The following SAMD12 variants were observed in gnomAD, a reference collection of about 807,000 sequenced individuals.
SAMD12 encodes the protein sterile alpha motif domain containing 12, also known as sterile alpha motif domain-containing protein 12.
Under a neutral mutation model 15.0 loss-of-function variants are expected in SAMD12, and 9 were observed. That is an observed-to-expected ratio of 0.60 (90% confidence interval 0.36 to 1.05). SAMD12 has a LOEUF of 1.05. Ranked by LOEUF, SAMD12 falls within the 50% of genes least tolerant of loss-of-function variation. The pLI is 0.01. For missense variants in SAMD12, 230 were observed against 234.2 expected (o/e 0.98, Z 0.12); for synonymous variants, 86 against 90.1 (o/e 0.96, Z 0.25).
chr8:118,347,165 G>A (rs1226991922), intron 4 of SAMD12, among the ~76,000 whole-genome samples: 1 of 151,974 alleles, frequency 6.6e-6, no homozygotes, highest in Non-Finnish European at 1.5e-5. Context: ...CTGGGCTCAA[G>A]TGATCTTCCT....
intron 3 of SAMD12, among the ~76,000 whole-genome samples, chr8:118,415,350 CA>C (rs1348915778): frequency 6.6e-6 from 1 of 152,098 alleles, no homozygotes; most frequent in Non-Finnish European, 1.5e-5. Flanking sequence ...TAATGAACCA[CA>C]CCACCATGCG....
intron 4 of SAMD12, among the ~76,000 whole-genome samples, chr8:118,247,572 A>T (rs1812725658): frequency 6.6e-6 from 1 of 151,828 alleles, no homozygotes. Flanking sequence ...AAAAAACTTT[A>T]AAAATTTTAT....
chr8:118,321,306 T>G (rs879357457), intron 4 of SAMD12, among the ~76,000 whole-genome samples: 16,086 of 79,886 alleles, frequency 0.2, 1,230 homozygotes, highest in African/African-American at 0.33. Flanking sequence ...TTTTTTTTTT[T>G]TTTGGTTTTT....
At chr8:118,558,946 G>C (rs540342312) in intron 2 of SAMD12, among the ~76,000 whole-genome samples, 1 of 152,272 alleles carries the variant, frequency 6.6e-6, no homozygotes, top group Non-Finnish European at 1.5e-5. Flanking sequence ...AACCAGACTT[G>C]TCAGGAATAG....
intron 4 of SAMD12, among the ~76,000 whole-genome samples, chr8:118,249,938 A>C (rs976462914): frequency 4.6e-5 from 7 of 152,150 alleles, no homozygotes; most frequent in African/African-American, 1.7e-4. Flanking sequence ...GACCATCAGC[A>C]GGCAGAAGCC....
At chr8:118,321,140 AATAAATATATATATATAT>A (rs1816239938) in intron 4 of SAMD12, among the ~76,000 whole-genome samples, 1 of 78,734 alleles carries the variant, frequency 1.3e-5, no homozygotes, top group African/African-American at 5.9e-5. Context: ...TATCATAGAT[AATAAATATATATATATAT>A]ATATATATAT....
At chr8:118,403,344 CTGTG>C (rs1318591427) in intron 3 of SAMD12, among the ~76,000 whole-genome samples, 1 of 151,394 alleles carries the variant, frequency 6.6e-6, no homozygotes, top group Admixed American at 6.6e-5. Flanking sequence ...TATGTACAGT[CTGTG>C]TGTGTGTGGT....
chr8:118,444,215 C>T (rs533938216), intron 2 of SAMD12, among the ~76,000 whole-genome samples: 68 of 152,068 alleles, frequency 4.5e-4, no homozygotes, highest in African/African-American at 1.4e-3. Flanking sequence ...CAATGGCAAA[C>T]ATTAAAAAAA....
the SAMD12 span, among the ~76,000 whole-genome samples, chr8:118,165,448 G>T: frequency 6.6e-6 from 1 of 151,666 alleles, no homozygotes; most frequent in East Asian, 1.9e-4. Flanking sequence ...TAGAGACGGG[G>T]TTTCACCATG....
intron 4 of SAMD12, among the ~76,000 whole-genome samples, chr8:118,198,915 A>C (rs1819637112): frequency 6.6e-6 from 1 of 152,282 alleles, no homozygotes; most frequent in Middle Eastern, 3.4e-3. Flanking sequence ...AAGAAGCTAT[A>C]TGCACAAATA....
chr8:118,158,710 C>T, the SAMD12 span, among the ~76,000 whole-genome samples: 4 of 152,178 alleles, frequency 2.6e-5, no homozygotes, highest in African/African-American at 4.8e-5. Context: ...CTGCCCATGG[C>T]TGCCCATGGA....
intron 4 of SAMD12, among the ~76,000 whole-genome samples, chr8:118,288,055 C>T (rs549343799): frequency 1.3e-5 from 2 of 152,040 alleles, no homozygotes; most frequent in Non-Finnish European, 2.9e-5. Context: ...GTCCTGAAGA[C>T]CAAGCGTGGG....
chr8:118,305,271 C>A (rs1815281543), intron 4 of SAMD12, among the ~76,000 whole-genome samples: 1 of 150,702 alleles, frequency 6.6e-6, no homozygotes, highest in African/African-American at 2.4e-5. Flanking sequence ...AAACTCTGAA[C>A]CTGTTAAATA....
At chr8:118,345,736 G>A (rs1437754065) in intron 4 of SAMD12, among the ~76,000 whole-genome samples, 1 of 152,218 alleles carries the variant, frequency 6.6e-6, no homozygotes, top group Non-Finnish European at 1.5e-5. Flanking sequence ...CTGGCAACAG[G>A]TCAAGAGCAG....
chr8:118,454,611 TTTTTA>T lies in SAMD12; in HGVS notation c.193-14655_193-14651del, dbSNP rs1043724274. Among the ~76,000 whole-genome samples the T allele has an allele frequency of 1.4e-3, 206 of 152,336 alleles. 1 individual carries two copies. Among genetic ancestry groups the T allele is most frequent in the African/African-American group, 4.3e-3 (180 of 41,576 alleles). On this transcript the variant is annotated intron_variant, in intron 2 of 3. Transcript: ENST00000314727. ...AATTGAGTATCTACATTTAAAAAAG[TTTTTA>T]TTTTTAGTTTGGTAAAATACACATA... is the stretch of plus-strand genomic sequence containing the variant.
intron 2 of SAMD12, among the ~76,000 whole-genome samples, chr8:118,475,395 C>T (rs971269959): frequency 6.6e-6 from 1 of 152,198 alleles, no homozygotes; most frequent in Admixed American, 6.5e-5. Flanking sequence ...GATGCCAGGG[C>T]CATCCTTCCT....
At chr8:118,609,850 C>A (rs557593326) in intron 1 of SAMD12, among the ~76,000 whole-genome samples, 1 of 152,290 alleles carries the variant, frequency 6.6e-6, no homozygotes, top group African/African-American at 2.4e-5. Flanking sequence ...GTGTGTATGG[C>A]AGCTCCCCTC....
intron 4 of SAMD12, among the ~76,000 whole-genome samples, chr8:118,250,604 G>A (rs1345801159): frequency 6.6e-6 from 1 of 151,604 alleles, no homozygotes; most frequent in African/African-American, 2.4e-5. Flanking sequence ...ATAGGTTTAA[G>A]CGATTTGGCT....
chr8:118,590,119 G>GA (rs1322340170), intron 1 of SAMD12, among the ~76,000 whole-genome samples: 4 of 151,840 alleles, frequency 2.6e-5, no homozygotes, highest in South Asian at 2.1e-4. Flanking sequence ...TATGGGCACA[G>GA]AAAAAAAATA....
Sources: gnomAD v4.1 joint callset for allele counts (sites outside exome capture counted in the v4.1 genomes callset) on GRCh38, gnomAD v4.1.1 for gene constraint, MANE v1.5 for transcripts, NCBI Gene and HGNC (gene_info 2026-07-23, HGNC 2026-07-21) for gene names.